MLH3: variants seen among roughly 807,000 people sequenced by gnomAD.
The protein encoded by MLH3 is DNA mismatch repair protein Mlh3.
MLH3 carries 82 observed loss-of-function variants against 122.2 expected under a neutral mutation model. The ratio of observed to expected loss-of-function variants is 0.67; its 90% CI spans 0.56 to 0.81. The LOEUF is 0.81. Ranked by LOEUF, MLH3 falls within the 30% of genes least tolerant of loss-of-function variation. MLH3 has a pLI of 0.00. For synonymous variants in MLH3, 524 were observed against 599.5 expected, an observed-to-expected ratio of 0.87 and a Z score of 1.84; for missense variants, 1,539 against 1,714.5, an observed-to-expected ratio of 0.90 and a Z score of 1.81.
Position 75,048,500 on chromosome 14 carries a change from C to T in MLH3, c.1156G>A (p.Glu386Lys), listed in dbSNP as rs142081869. ...ATLQKRVTSDERSNFQEACNN... is the reference protein window; with the variant it reads ...ATLQKRVTSDKRSNFQEACNN... ...CATGCTTCCTGGAAATTGCTCCTCTCATCGGAAGTCACACGCTTCTGAAGA... is the reference window on the plus strand; with the variant it reads ...CATGCTTCCTGGAAATTGCTCCTCTTATCGGAAGTCACACGCTTCTGAAGA... Residue 386 changes from glutamate (E) to lysine (K), a missense_variant, in exon 2 of 13, where the codon GAG (glutamate) becomes AAG (lysine). Physicochemically the swap from Glu to Lys is moderately conservative, Grantham distance 56 (BLOSUM62 1). Transcript: ENST00000355774. The T allele has an allele frequency of 8.1e-5, 130 of 1,613,194 alleles. No homozygotes were observed. The highest frequency in any genetic ancestry group is 1.1e-4 in the Non-Finnish European group (125 of 1,179,770).
At chr14:75,039,864 TATATA>T in intron 5 of MLH3, 42 bp downstream of exon 5, 2 of 205,960 alleles carry the variant, frequency 9.7e-6, no homozygotes. Context: ...TATATATATA[TATATA>T]TATATATATA....
At position 75,013,886 on chromosome 14, in the gene MLH3, AGCTTCAGCTTAGAGGGT is replaced by A. The variant is rs1348591774; in HGVS notation, c.*3179_*3195del. ...TTTTGCCATCTCACCGTTGATGAGC[AGCTTCAGCTTAGAGGGT>A]AAAGACAGGCATGATCGCGACTGGC... On this transcript the variant is annotated 3_prime_UTR_variant, in exon 13 of 13. Coordinates refer to ENST00000355774, the MANE Select transcript of MLH3 (RefSeq NM_001040108.2). The A allele has an allele frequency of 1.4e-5, 3 of 213,602 alleles. No homozygotes were observed. Among genetic ancestry groups the A allele is most frequent in the Non-Finnish European group, 2.8e-5 (3 of 105,610 alleles). 13.2% of individuals were successfully genotyped at this position (213,602 alleles called of 1,614,324 possible).
At chr14:75,037,961 G>A (rs936075460) in intron 6 of MLH3, among the ~76,000 whole-genome samples, 5 of 152,186 alleles carry the variant, frequency 3.3e-5, no homozygotes, top group Admixed American at 6.6e-5. Context: ...GTGTAATAGC[G>A]CAATCTCGGC....
intron 6 of MLH3, among the ~76,000 whole-genome samples, chr14:75,035,575 G>C (rs923888336): frequency 6.6e-6 from 1 of 152,038 alleles, no homozygotes; most frequent in Non-Finnish European, 1.5e-5. Context: ...TAAAACTATA[G>C]GAATTTGATC....
intron 2 of MLH3, 34 bp downstream of exon 2, chr14:75,046,342 A>T: frequency 2.5e-6 from 4 of 1,610,682 alleles, no homozygotes; most frequent in Non-Finnish European, 3.4e-6. Flanking sequence ...CCATCTTCAA[A>T]AGCATCTCAT....
At position 75,039,883 on chromosome 14, in the gene MLH3, T is replaced by TATATA. The variant is rs34231080; in HGVS notation, c.3570+27_3570+28insTATAT. ...TATATATATATATATATATATATAT[T>TATATA]TATGAGATTTTGAAGTTAATCTTTT... On this transcript the variant is annotated intron_variant, in intron 5 of 12. Transcript: ENST00000355774. The TATATA allele has an allele frequency of 7.8e-4, 407 of 524,238 alleles. 2 individuals carry two copies. The highest frequency in any genetic ancestry group is 1.3e-3 in the African/African-American group (40 of 31,914). 32.5% of individuals were successfully genotyped at this position (524,238 alleles called of 1,614,324 possible). A position where few individuals can be genotyped will look rare whatever the true frequency, so the allele number is the denominator to read the frequency against.
intron 5 of MLH3, among the ~76,000 whole-genome samples, chr14:75,039,392 C>A (rs1285446883): frequency 6.6e-6 from 1 of 152,146 alleles, no homozygotes; most frequent in Non-Finnish European, 1.5e-5. Flanking sequence ...GGGAATAAGA[C>A]AGCCATGGTG....
chr14:75,018,811 T>C lies in MLH3; in HGVS notation c.4242+18A>G, dbSNP rs1437972031. Reference sequence around the variant, plus strand: ...AATAAACTTTGCTCCCTCCTGCTCCTGTTAGTCATTAATGTACCTGTTTTT... The same window carrying C: ...AATAAACTTTGCTCCCTCCTGCTCCCGTTAGTCATTAATGTACCTGTTTTT... On this transcript the variant is annotated intron_variant, in intron 12 of 12. Coordinates refer to ENST00000355774, the MANE Select transcript of MLH3 (RefSeq NM_001040108.2). 1.2e-6 allele frequency: 2 copies of C among 1,613,834 alleles called. No individual in the cohort carries two copies. Among genetic ancestry groups the C allele is most frequent in the Non-Finnish European group, 1.7e-6 (2 of 1,179,672 alleles).
chr14:75,036,207 CTCT>C (rs1353821908), intron 6 of MLH3, among the ~76,000 whole-genome samples: 1 of 152,160 alleles, frequency 6.6e-6, no homozygotes, highest in East Asian at 1.9e-4. Flanking sequence ...CCTCTCCTCA[CTCT>C]TCTTTTTTCT....
intron 2 of MLH3, 143 bp downstream of exon 2, chr14:75,046,233 T>A: frequency 1.2e-6 from 1 of 820,576 alleles, no homozygotes; most frequent in African/African-American, 1.7e-5. Flanking sequence ...TCATATAGCA[T>A]GAAAATACAA....
Position 75,048,351 on chromosome 14 carries a change from T to C in MLH3, c.1305A>G (p.Thr435=). 6.2e-7 allele frequency: 1 copy of C among 1,613,786 alleles called. No homozygotes were observed. Among genetic ancestry groups the C allele is most frequent in the Non-Finnish European group, 8.5e-7 (1 of 1,179,904 alleles). ...CATAAATGTACAAAAATGCATCATTTGTATTTTTTCTGGTAGCTTCTGAAT... is the reference window on the plus strand; with the variant it reads ...CATAAATGTACAAAAATGCATCATTCGTATTTTTTCTGGTAGCTTCTGAAT... The part of the protein sequence containing the change: ...SRDSEATRKN[T]NDAFLYIYES... The change falls in exon 2 of 13, where the codon ACA becomes ACG. Residue 435 remains threonine (T), a synonymous_variant. Transcript: ENST00000355774.
intron 8 of MLH3, 104 bp downstream of exon 8, chr14:75,031,964 C>T: frequency 1.2e-6 from 1 of 830,072 alleles, no homozygotes; most frequent in Non-Finnish European, 2.0e-6. Flanking sequence ...CTTGTAACCT[C>T]TCTTGGTCTC....
Position 75,047,081 on chromosome 14 carries a change from A to G in MLH3, c.2575T>C (p.Phe859Leu). ...TCAAGGTCCAAAGGTTTTCTATTAA[A>G]GAGAGATAACTCCTTCAGGGTCATA... Reference protein sequence around the residue: ...SPMTLKELSLFNRKPLDLEKS... With the variant: ...SPMTLKELSLLNRKPLDLEKS... Residue 859 changes from phenylalanine to leucine, a missense_variant, in exon 2 of 13, where the codon TTT becomes CTT. Physicochemically the swap from Phe to Leu is conservative, Grantham distance 22. Coordinates refer to ENST00000355774, the MANE Select transcript of MLH3 (RefSeq NM_001040108.2). 1.9e-6 allele frequency: 3 copies of G among 1,614,188 alleles called. No individual in the cohort carries two copies. Among genetic ancestry groups the G allele is most frequent in the Non-Finnish European group, 2.5e-6 (3 of 1,180,006 alleles).
intron 6 of MLH3, among the ~76,000 whole-genome samples, chr14:75,037,968 C>T (rs529419744): frequency 4.5e-4 from 68 of 152,302 alleles, no homozygotes; most frequent in Admixed American, 9.2e-4. Flanking sequence ...AGCGCAATCT[C>T]GGCTCACTAC....
intron 7 of MLH3, among the ~76,000 whole-genome samples, chr14:75,032,712 A>G (rs1054016646): frequency 6.6e-6 from 1 of 151,278 alleles, no homozygotes; most frequent in Non-Finnish European, 1.5e-5. Context: ...CTAGTCCATG[A>G]AGCACTCCTT....
At chr14:75,035,062 C>CAAAAAAAAAAAAAAAAAAAA (rs36096670) in intron 6 of MLH3, among the ~76,000 whole-genome samples, 3 of 40,248 alleles carry the variant, frequency 7.5e-5, no homozygotes, top group African/African-American at 2.1e-4. Context: ...GACTCCATCT[C>CAAAAAAAAAAAAAAAAAAAA]AAAAAAAAAA....
At chr14:75,043,062 C>T (rs925049909) in intron 2 of MLH3, among the ~76,000 whole-genome samples, 1 of 152,230 alleles carries the variant, frequency 6.6e-6, no homozygotes, top group Admixed American at 6.5e-5. Flanking sequence ...AGGCGTGAGC[C>T]ACTGTGCCCG....
At chr14:75,038,242 C>T (rs1891553791) in intron 6 of MLH3, 98 bp downstream of exon 6, 1 of 873,700 alleles carries the variant, frequency 1.1e-6, no homozygotes, top group South Asian at 1.3e-5. Flanking sequence ...CTAATCCATC[C>T]AAATCATTGA....
rs1170984318 is a variant in MLH3, at chr14:75,025,207, CTCT to C, written c.3988-2192_3988-2190del. Among the ~76,000 whole-genome samples the C allele has an allele frequency of 5.3e-5, 8 of 152,310 alleles. 1 individual carries two copies. In the South Asian group the frequency reaches 8.3e-4, roughly 16 times the overall value. On this transcript the variant is annotated intron_variant, in intron 9 of 12. Coordinates refer to ENST00000355774, the MANE Select transcript of MLH3 (RefSeq NM_001040108.2). ...CTAACCTTTAGCTCTCACCCCATCTCTCTTCTTCTGTGTGTAGCCAAAGTTCCT... is the reference window on the plus strand; with the variant it reads ...CTAACCTTTAGCTCTCACCCCATCTCTCTTCTGTGTGTAGCCAAAGTTCCT...
Sources: gnomAD v4.1 joint callset for allele counts (sites outside exome capture counted in the v4.1 genomes callset) on GRCh38, gnomAD v4.1.1 for gene constraint, MANE v1.5 for transcripts, NCBI Gene and HGNC (gene_info 2026-07-23, HGNC 2026-07-21) for gene names.